The following GIPC3 variants were observed in gnomAD, a reference collection of about 807,000 sequenced individuals.
The protein encoded by GIPC3 is PDZ domain-containing protein GIPC3.
Under a neutral mutation model 27.3 loss-of-function variants are expected in GIPC3, and 16 were observed. That is an observed-to-expected ratio of 0.59 (90% confidence interval 0.40 to 0.89). GIPC3 has a LOEUF of 0.89. GIPC3 is among the 40% of genes least tolerant of loss of function. The pLI, the probability that GIPC3 is intolerant of heterozygous loss-of-function variation, is 0.00. For missense variants in GIPC3, 440 were observed against 442.1 expected, an observed-to-expected ratio of 1.00 and a Z score of 0.04; for synonymous variants, 194 against 184.6, an observed-to-expected ratio of 1.05 and a Z score of -0.41.
chr19:3,586,734 C>T lies in GIPC3; in HGVS notation c.411+54C>T, dbSNP rs929822321. 19 of 1,610,654 alleles carry T rather than the reference C, an allele frequency of 1.2e-5. 1 individual carries two copies. The Middle Eastern group carries it at 6.6e-4, about 56-fold the overall frequency. ...TCCTGGGGTCCAGCAACTGCCCCCC[C>T]CACTCTGGGTCGACGTGGGTTCTGC... On this transcript the variant is annotated intron_variant, in intron 2 of 5. Coordinates refer to ENST00000644452, the MANE Select transcript of GIPC3 (RefSeq NM_133261.3).
rs2032529042 is a variant in GIPC3, at chr19:3,593,423, G to A, written c.*3233G>A. ...AGGGAGTGTGCGGTGGTGAAAACAGGGGCTTCACCGGTCCTGGCTCAGATC... is the reference window on the plus strand; with the variant it reads ...AGGGAGTGTGCGGTGGTGAAAACAGAGGCTTCACCGGTCCTGGCTCAGATC... On this transcript the variant is annotated 3_prime_UTR_variant, in exon 6 of 6. Coordinates refer to ENST00000644452, the MANE Select transcript of GIPC3 (RefSeq NM_133261.3). 2 of 737,612 alleles carry A rather than the reference G, an allele frequency of 2.7e-6. No homozygotes were observed. Among genetic ancestry groups the A allele is most frequent in the Admixed American group, 8.7e-5 (2 of 23,084 alleles). The allele number at this position is 737,612 out of a possible 1,614,324, so 45.7% of individuals were successfully genotyped here.
At chr19:3,589,968 G>A in intron 5 of GIPC3, 56 bp downstream of exon 5, 1 of 1,613,420 alleles carries the variant, frequency 6.2e-7, no homozygotes, top group Non-Finnish European at 8.5e-7. Flanking sequence ...TACGGGAGGA[G>A]GCAGGGGTCC....
intron 4 of GIPC3, 106 bp from the exon 5 acceptor site, chr19:3,589,723 CGT>C (rs2032444427): frequency 9.5e-7 from 1 of 1,056,302 alleles, no homozygotes; most frequent in Non-Finnish European, 1.4e-6. Context: ...ACTACTGACT[CGT>C]GTGAGGGTCC....
In GIPC3 at chr19:3,587,003, G is replaced by C. The variant is rs375486258; in HGVS notation, c.592+9G>C. 89 of 1,610,056 alleles carry C rather than the reference G, an allele frequency of 5.5e-5. No homozygotes were observed. Among genetic ancestry groups the C allele is most frequent in the Middle Eastern group, 3.3e-4 (2 of 6,068 alleles). ...GCCCAAGAGGGCCTTCGGTGAGGCG[G>C]GTGGGCTGGCGGGAGCTCTTCCCGA... On this transcript the variant is annotated intron_variant, in intron 3 of 5. Coordinates refer to ENST00000644452, the MANE Select transcript of GIPC3 (RefSeq NM_133261.3).
Position 3,591,972 on chromosome 19 carries a change from G to A in GIPC3, c.*1782G>A, listed in dbSNP as rs878912729. On this transcript the variant is annotated 3_prime_UTR_variant, in exon 6 of 6. Transcript: ENST00000644452. ...CAGAGCTCAATCCAGCCCAAGCACC[G>A]CACCCAGCTCTGGAACTCAGCTCAG... 1.1e-5 allele frequency: 14 copies of A among 1,231,748 alleles called. No homozygotes were observed. Among genetic ancestry groups the A allele is most frequent in the South Asian group, 8.2e-5 (2 of 24,312 alleles). 76.3% of individuals were successfully genotyped at this position (1,231,748 alleles called of 1,614,324 possible). A position where few individuals can be genotyped will look rare whatever the true frequency, so the allele number is the denominator to read the frequency against.
chr19:3,590,185 G>T lies in GIPC3; in HGVS notation c.934G>T (p.Gly312Cys). The change falls in exon 6 of 6, where the codon GGC becomes TGC. Residue 312 changes from glycine to cysteine, a missense_variant. Transcript: ENST00000644452. ...AAIGEAREAC[G>C] ...CATCGGCGAGGCCAGAGAGGCCTGT[G>T]GCTAGTTTGCCCTGGGGGGGCCCAG... The T allele has an allele frequency of 6.3e-7, 1 of 1,595,904 alleles. No homozygotes were observed. The highest frequency in any genetic ancestry group is 8.5e-7 in the Non-Finnish European group (1 of 1,172,398).
At chr19:3,587,065 G>A in intron 3 of GIPC3, 71 bp downstream of exon 3, 2 of 1,455,570 alleles carry the variant, frequency 1.4e-6, no homozygotes, top group Non-Finnish European at 1.9e-6. Flanking sequence ...GAGGAGGGTC[G>A]GGGATGGGAC....
chr19:3,589,380 A>G, intron 3 of GIPC3, 63 bp from the exon 4 acceptor site: 1 of 1,230,378 alleles, frequency 8.1e-7, no homozygotes, highest in Non-Finnish European at 1.2e-6. Flanking sequence ...TTGGCCTCCC[A>G]GGGTTTACAA....
chr19:3,587,662 C>CTT (rs60239736), intron 3 of GIPC3, among the ~76,000 whole-genome samples: 2 of 140,146 alleles, frequency 1.4e-5, no homozygotes, highest in African/African-American at 5.2e-5. Flanking sequence ...TCTTTCTTTT[C>CTT]TTTTTTTTTT....
chr19:3,585,842 G>T lies in GIPC3; in HGVS notation c.225+20G>T, dbSNP rs1002952218. On this transcript the variant is annotated intron_variant, in intron 1 of 5. Coordinates refer to ENST00000644452, the MANE Select transcript of GIPC3 (RefSeq NM_133261.3). Reference sequence around the variant, plus strand: ...ACCGAGGTAAGGAGCCCGGACACCGGCGCCCAAGACCACCCGCCTGATGGG... The same window carrying T: ...ACCGAGGTAAGGAGCCCGGACACCGTCGCCCAAGACCACCCGCCTGATGGG... The T allele has an allele frequency of 2.0e-6, 3 of 1,537,926 alleles. No individual in the cohort carries two copies. In the African/African-American group the frequency reaches 4.1e-5, roughly 21 times the overall value.
At chr19:3,586,736 A>G in intron 2 of GIPC3, 56 bp downstream of exon 2, 1 of 1,605,672 alleles carries the variant, frequency 6.2e-7, no homozygotes, top group African/African-American at 1.4e-5. Context: ...TGCCCCCCCC[A>G]CTCTGGGTCG....
rs755816324 is a variant in GIPC3 at position 3,592,187 on chromosome 19, C to T, written c.*1997C>T. ...CCGACAGCAGGTCCAGCTCCAGGAC[C>T]CAGCGCTGCCCAGGAGCTCGACCAG... On this transcript the variant is annotated 3_prime_UTR_variant, in exon 6 of 6. Coordinates refer to ENST00000644452, the MANE Select transcript of GIPC3 (RefSeq NM_133261.3). 5.8e-5 allele frequency: 71 copies of T among 1,232,000 alleles called. No homozygotes were observed. Among genetic ancestry groups the T allele is most frequent in the Non-Finnish European group, 6.9e-5 (68 of 988,056 alleles). 76.3% of individuals were successfully genotyped at this position (1,232,000 alleles called of 1,614,324 possible). A position where few individuals can be genotyped will look rare whatever the true frequency, so the allele number is the denominator to read the frequency against.
At position 3,593,089 on chromosome 19, in the gene GIPC3, C is replaced by T. The variant is rs2032518209; in HGVS notation, c.*2899C>T. The stretch of plus-strand genomic sequence containing the variant: ...GCCCCACAGTCACAGGTCTCCTCAA[C>T]CCCCCAGAAGCCAGCCGTCTCTCCC... On this transcript the variant is annotated 3_prime_UTR_variant, in exon 6 of 6. Transcript: ENST00000644452. 2 of 1,232,682 alleles carry T rather than the reference C, an allele frequency of 1.6e-6. No homozygotes were observed. The highest frequency in any genetic ancestry group is 4.1e-5 in the South Asian group (1 of 24,330). The allele number at this position is 1,232,682 out of a possible 1,614,324, so 76.4% of individuals were successfully genotyped here.
Position 3,590,159 on chromosome 19 carries a change from C to T in GIPC3, c.908C>T (p.Ala303Val), listed in dbSNP as rs772816799. 45 of 1,608,148 alleles carry T rather than the reference C, an allele frequency of 2.8e-5. No individual in the cohort carries two copies. The South Asian group carries it at 4.6e-4, about 16-fold the overall frequency. ...GAGTTTGTGGTGGAAGTGTGGGCCG[C>T]CATCGGCGAGGCCAGAGAGGCCTGT... The part of the protein sequence containing the change: ...PDEFVVEVWA[A>V]IGEAREACG Residue 303 changes from alanine (A) to valine (V), a missense_variant, in exon 6 of 6, where the codon GCC becomes GTC. Physicochemically the swap from Ala to Val is moderately conservative, Grantham distance 64. Transcript: ENST00000644452.
rs749877432 is a variant in GIPC3 at position 3,586,796 on chromosome 19, G to A, written c.412-18G>A. 6.2e-7 allele frequency: 1 copy of A among 1,613,146 alleles called. No individual in the cohort carries two copies. Among genetic ancestry groups the A allele is most frequent in the African/African-American group, 1.3e-5 (1 of 75,050 alleles). ...GGGTGGCTGGGGTTGCCCTGCCAGC[G>A]ACGCTGGATCCCTGCAGAGAATCAA... On this transcript the variant is annotated intron_variant, in intron 2 of 5. Coordinates refer to ENST00000644452, the MANE Select transcript of GIPC3 (RefSeq NM_133261.3).
At chr19:3,586,727 G>GCC in intron 2 of GIPC3, 47 bp downstream of exon 2, 1 of 1,593,954 alleles carries the variant, frequency 6.3e-7, no homozygotes, top group Non-Finnish European at 8.6e-7. Flanking sequence ...TCCAGCAACT[G>GCC]CCCCCCCCAC....
Position 3,585,572 on chromosome 19 carries a change from G to T in GIPC3, c.-26G>T. 2 of 1,146,146 alleles carry T rather than the reference G, an allele frequency of 1.7e-6. No homozygotes were observed. Among genetic ancestry groups the T allele is most frequent in the East Asian group, 4.3e-5 (1 of 23,252 alleles). The allele number at this position is 1,146,146 out of a possible 1,614,324, so 71.0% of individuals were successfully genotyped here. ...GATCCGGCGGCGGCGGCGAGGGCCC[G>T]GGTGGGTGGCCGAACTTCTCCCGCC... On this transcript the variant is annotated 5_prime_UTR_variant, in exon 1 of 6. Coordinates refer to ENST00000644452, the MANE Select transcript of GIPC3 (RefSeq NM_133261.3).
In GIPC3 at chr19:3,592,549, A is replaced by G; in HGVS notation, c.*2359A>G. On this transcript the variant is annotated 3_prime_UTR_variant, in exon 6 of 6. Transcript: ENST00000644452. Reference sequence around the variant, plus strand: ...GGAGCTCATCTTAGCTCCAGAACCCAGTCCAGTCCTGAGACCAGGCTCAGC... The same window carrying G: ...GGAGCTCATCTTAGCTCCAGAACCCGGTCCAGTCCTGAGACCAGGCTCAGC... 1 of 1,225,766 alleles carries G rather than the reference A, an allele frequency of 8.2e-7. No individual in the cohort carries two copies. The allele number at this position is 1,225,766 out of a possible 1,614,324, so 75.9% of individuals were successfully genotyped here. A position where few individuals can be genotyped will look rare whatever the true frequency, so the allele number is the denominator to read the frequency against.
chr19:3,588,417 G>C (rs890950247), intron 3 of GIPC3, among the ~76,000 whole-genome samples: 1 of 152,090 alleles, frequency 6.6e-6, no homozygotes, highest in East Asian at 1.9e-4. Context: ...TTGTTCTATA[G>C]AACAGAGACA....
Sources: gnomAD v4.1 joint callset for allele counts (sites outside exome capture counted in the v4.1 genomes callset) on GRCh38, gnomAD v4.1.1 for gene constraint, MANE v1.5 for transcripts, NCBI Gene and HGNC (gene_info 2026-07-23, HGNC 2026-07-21) for gene names.